The following PAK5 variants were observed in gnomAD, a reference collection of about 807,000 sequenced individuals.
PAK5 encodes serine/threonine-protein kinase PAK 5.
PAK5 carries 16 observed loss-of-function variants against 65.9 expected under a neutral mutation model. The observed-to-expected ratio is 0.24, with a 90% CI of 0.16 to 0.37. PAK5 has a LOEUF of 0.37. Among genes scored for constraint, PAK5 ranks in the 10% least tolerant of loss-of-function variants. The probability of loss-of-function intolerance (pLI) is 1.00; values close to 1 mark genes in which losing one functional copy is unlikely to be tolerated. For synonymous variants in PAK5, 371 were observed against 354.9 expected, an observed-to-expected ratio of 1.05 and a Z score of -0.51; for missense variants, 785 against 903.9, an observed-to-expected ratio of 0.87 and a Z score of 1.69.
At chr20:9,766,227 GA>G (rs961842264) in intron 1 of PAK5, among the ~76,000 whole-genome samples, 8 of 64,020 alleles carry the variant, frequency 1.2e-4, no homozygotes, top group African/African-American at 3.0e-4. Flanking sequence ...TCTCAAAAAG[GA>G]AAAAAAAAGA....
chr20:9,566,442 G>C, intron 4 of PAK5, 58 bp from the exon 5 acceptor site: 5 of 1,501,954 alleles, frequency 3.3e-6, no homozygotes, highest in Non-Finnish European at 4.5e-6. Context: ...TGCCACAGCC[G>C]AGTGGTGAGT....
intron 1 of PAK5, among the ~76,000 whole-genome samples, chr20:9,796,697 A>G (rs1325321260): frequency 3.3e-5 from 5 of 152,132 alleles, no homozygotes; most frequent in Non-Finnish European, 5.9e-5. Context: ...GGCAAGTGAC[A>G]GTGGTGGGGC....
At chr20:9,675,254 G>A (rs1364773901) in intron 2 of PAK5, among the ~76,000 whole-genome samples, 3 of 152,094 alleles carry the variant, frequency 2.0e-5, no homozygotes, top group Non-Finnish European at 4.4e-5. Flanking sequence ...AATAAAAGAG[G>A]AGAAGAGTTA....
chr20:9,798,737 C>T (rs2049133945), intron 1 of PAK5, among the ~76,000 whole-genome samples: 2 of 152,062 alleles, frequency 1.3e-5, no homozygotes, highest in South Asian at 4.1e-4. Flanking sequence ...GATCAATCTG[C>T]CAAGTGACTC....
chr20:9,748,742 A>G (rs965541648), intron 1 of PAK5, among the ~76,000 whole-genome samples: 12 of 152,196 alleles, frequency 7.9e-5, no homozygotes, highest in African/African-American at 2.9e-4. Context: ...ATTTTCTGCA[A>G]TGCTGGAAAT....
rs779109071 is a variant in PAK5, at chr20:9,557,614, A to G, written c.1737T>C (p.Asp579=). 1.9e-6 allele frequency: 3 copies of G among 1,609,226 alleles called. No individual in the cohort carries two copies. The highest frequency in any genetic ancestry group is 2.5e-6 in the Non-Finnish European group (3 of 1,178,010). The part of the protein sequence containing the change: ...IKSDSILLTS[D]GRIKLSDFGF... The stretch of plus-strand genomic sequence containing the variant: ...CCAAACATGAACATCTTACCCGGCC[A>G]TCGCTTGTCAGGAGGATGGAGTCAC... Residue 579 remains aspartate (D), a synonymous_variant, in exon 7 of 10, where the codon GAT becomes GAC. Coordinates refer to ENST00000353224, the MANE Select transcript of PAK5 (RefSeq NM_177990.4).
chr20:9,714,815 A>T (rs2048122485), intron 1 of PAK5, among the ~76,000 whole-genome samples: 1 of 152,180 alleles, frequency 6.6e-6, no homozygotes, highest in Admixed American at 6.5e-5. Flanking sequence ...TATTTAATAA[A>T]TGGTGCTGGG....
chr20:9,651,749 G>A (rs556732038), intron 2 of PAK5, among the ~76,000 whole-genome samples: 16 of 152,240 alleles, frequency 1.1e-4, no homozygotes, highest in Admixed American at 8.5e-4. Flanking sequence ...AAGACGGGGT[G>A]GGGCACGCAC....
intron 1 of PAK5, among the ~76,000 whole-genome samples, chr20:9,734,059 A>G (rs1204910174): frequency 6.6e-6 from 1 of 152,218 alleles, no homozygotes; most frequent in Non-Finnish European, 1.5e-5. Flanking sequence ...ATCATAGAGA[A>G]GAAGGTGTCT....
intron 1 of PAK5, among the ~76,000 whole-genome samples, chr20:9,814,234 C>T (rs1399445325): frequency 2.0e-5 from 3 of 152,046 alleles, no homozygotes; most frequent in African/African-American, 7.2e-5. Flanking sequence ...TTATTTAGAT[C>T]CAAAGTGAGG....
intron 1 of PAK5, among the ~76,000 whole-genome samples, chr20:9,734,876 C>T (rs1471153811): frequency 2.0e-5 from 3 of 152,114 alleles, no homozygotes; most frequent in Non-Finnish European, 4.4e-5. Flanking sequence ...GATACAAGAG[C>T]CCCAGAACAA....
intron 3 of PAK5, among the ~76,000 whole-genome samples, chr20:9,641,640 G>A (rs1004150557): frequency 1.3e-5 from 2 of 152,004 alleles, no homozygotes; most frequent in African/African-American, 4.8e-5. Flanking sequence ...TGGAGCAGGG[G>A]GTGGTGCTCG....
Position 9,542,595 on chromosome 20 carries a change from G to A in PAK5, c.1995C>T (p.Asp665=), listed in dbSNP as rs1715072654. The A allele has an allele frequency of 6.2e-7, 1 of 1,613,642 alleles. No individual in the cohort carries two copies. The highest frequency in any genetic ancestry group is 1.1e-5 in the South Asian group (1 of 91,040). Residue 665 remains aspartate (D), a synonymous_variant, in exon 9 of 10, where the codon GAC becomes GAT. Transcript: ENST00000353224. ...AGCTGCTGTTTCTCACCTTGTGTAG[G>A]TCCTTCACTCTTGGAGGTAAACTGT... is the stretch of plus-strand genomic sequence containing the variant. ...IRDSLPPRVK[D]LHKVSSVLRG...
At chr20:9,834,516 AG>A (rs1347676341) in intron 1 of PAK5, among the ~76,000 whole-genome samples, 1 of 152,232 alleles carries the variant, frequency 6.6e-6, no homozygotes, top group African/African-American at 2.4e-5. Context: ...AAAATAAAAC[AG>A]TGCCCACCTA....
chr20:9,825,100 C>T (rs2123779256), intron 1 of PAK5, among the ~76,000 whole-genome samples: 1 of 152,246 alleles, frequency 6.6e-6, no homozygotes, highest in Admixed American at 6.5e-5. Flanking sequence ...TAACTTAGAG[C>T]CAAATGTTCT....
intron 7 of PAK5, among the ~76,000 whole-genome samples, chr20:9,554,555 A>G (rs2045478606): frequency 6.6e-6 from 1 of 152,206 alleles, no homozygotes; most frequent in Non-Finnish European, 1.5e-5. Flanking sequence ...CAATACTAAA[A>G]TGACTGTTGA....
intron 1 of PAK5, among the ~76,000 whole-genome samples, chr20:9,772,941 C>A (rs2048850249): frequency 6.6e-6 from 1 of 152,202 alleles, no homozygotes; most frequent in Admixed American, 6.5e-5. Flanking sequence ...CCATGGGAAA[C>A]TGAGGCATTG....
At chr20:9,627,897 G>A (rs189103446) in intron 3 of PAK5, among the ~76,000 whole-genome samples, 1 of 152,300 alleles carries the variant, frequency 6.6e-6, no homozygotes, top group East Asian at 1.9e-4. Flanking sequence ...AAAGTGCTGG[G>A]ATTATAGGCA....
Position 9,580,116 on chromosome 20 carries a change from C to T in PAK5, c.990+29G>A, listed in dbSNP as rs689518. 2.8e-3 allele frequency: 4,436 copies of T among 1,573,458 alleles called. 85 individuals are homozygous for T. The African/African-American group carries it at 0.052, about 19-fold the overall frequency. ...CCACCCCTGTGGAGGTTTTTGCACA[C>T]GTGAGGGAAAGGAGGTAGCAAACGT... On this transcript the variant is annotated intron_variant, in intron 4 of 9. Transcript: ENST00000353224.
Sources: gnomAD v4.1 joint callset for allele counts (sites outside exome capture counted in the v4.1 genomes callset) on GRCh38, gnomAD v4.1.1 for gene constraint, MANE v1.5 for transcripts, NCBI Gene and HGNC (gene_info 2026-07-23, HGNC 2026-07-21) for gene names.